The following SUCLG1 variants were observed in gnomAD, a reference collection of about 807,000 sequenced individuals.
SUCLG1 encodes the protein succinate--CoA ligase [ADP/GDP-forming] subunit alpha, mitochondrial.
SUCLG1 carries 26 observed loss-of-function variants against 37.3 expected under a neutral mutation model. The ratio of observed to expected loss-of-function variants is 0.70; its 90% CI spans 0.51 to 0.97. The LOEUF (loss-of-function observed/expected upper bound fraction) is 0.97. Ranked by LOEUF, SUCLG1 falls within the 50% of genes least tolerant of loss-of-function variation. SUCLG1 has a pLI of 0.00. For missense variants in SUCLG1, 433 were observed against 432.9 expected, an observed-to-expected ratio of 1.00 and a Z score of 0.00; for synonymous variants, 163 against 155.6, an observed-to-expected ratio of 1.05 and a Z score of -0.36.
In SUCLG1 at chr2:84,425,552, G is replaced by T. The variant is rs767897478; in HGVS notation, c.877C>A (p.Pro293Thr). 1.1e-5 allele frequency: 17 copies of T among 1,614,226 alleles called. No individual in the cohort carries two copies. The South Asian group carries it at 1.8e-4, about 17-fold the overall frequency. ...CCGGCATGACCCATTCTTCTCCCAG[G>T]AGGAGCAGTTAAACCAGCAATGAAG... The part of the protein sequence containing the change: ...VSFIAGLTAP[P>T]GRRMGHAGAI... Residue 293 changes from proline (P) to threonine (T), a missense_variant, in exon 8 of 9, where the codon CCT (proline) becomes ACT (threonine). Transcript: ENST00000393868.
intron 1 of SUCLG1, among the ~76,000 whole-genome samples, chr2:84,453,728 T>C (rs547673540): frequency 3.9e-5 from 6 of 152,204 alleles, no homozygotes; most frequent in Non-Finnish European, 7.3e-5. Flanking sequence ...AAAATAAGTA[T>C]TTTAAATTAA....
intron 1 of SUCLG1, among the ~76,000 whole-genome samples, chr2:84,453,299 G>A (rs1672968171): frequency 6.6e-6 from 1 of 152,004 alleles, no homozygotes; most frequent in South Asian, 2.1e-4. Context: ...AAAAAGTGGA[G>A]CCCAAAGCCT....
chr2:84,440,722 G>C (rs1256367966), intron 5 of SUCLG1, among the ~76,000 whole-genome samples: 1 of 152,130 alleles, frequency 6.6e-6, no homozygotes, highest in African/African-American at 2.4e-5. Flanking sequence ...ATACTCCTTA[G>C]CAATAACTAA....
chr2:84,451,805 T>C (rs1233777455), intron 1 of SUCLG1, among the ~76,000 whole-genome samples: 1 of 149,830 alleles, frequency 6.7e-6, no homozygotes, highest in Non-Finnish European at 1.5e-5. Flanking sequence ...TGTGCGCTCA[T>C]GCATGTGTGA....
In SUCLG1 at chr2:84,445,754, A is replaced by T. The variant is rs1206758017; in HGVS notation, c.202-2354T>A. On this transcript the variant is annotated intron_variant, in intron 2 of 8. Coordinates refer to ENST00000393868, the MANE Select transcript of SUCLG1 (RefSeq NM_003849.4). ...TATCACCTTGGTCTAAGTCACTTCA[A>T]CTCTTGACGGGTTATTGCCCTTGCT... is the stretch of plus-strand genomic sequence containing the variant. Among the ~76,000 whole-genome samples, 3 of 152,072 alleles carry T rather than the reference A, an allele frequency of 2.0e-5. No homozygotes were observed. In the East Asian group the frequency reaches 5.8e-4, roughly 29 times the overall value.
chr2:84,438,118 T>C (rs187364428), intron 5 of SUCLG1, among the ~76,000 whole-genome samples: 11 of 152,346 alleles, frequency 7.2e-5, no homozygotes, highest in Admixed American at 1.3e-4. Flanking sequence ...CTTGTGGTTA[T>C]AGAAAAGTTC....
chr2:84,427,675 CT>C (rs2104239311), intron 7 of SUCLG1, among the ~76,000 whole-genome samples: 1 of 152,278 alleles, frequency 6.6e-6, no homozygotes, highest in South Asian at 2.1e-4. Context: ...AACTGTTTCC[CT>C]TGACACAGCA....
At chr2:84,431,777 A>T in intron 6 of SUCLG1, 118 bp from the exon 7 acceptor site, 1 of 998,526 alleles carries the variant, frequency 1.0e-6, no homozygotes, top group East Asian at 2.6e-5. Flanking sequence ...TATATTTTTA[A>T]ATGTATCATT....
chr2:84,440,740 C>T lies in SUCLG1; in HGVS notation c.589+307G>A, dbSNP rs10191009. ...CTCCTTAGCAATAACTAAGTTATAA[C>T]AGTTAATGAAATTAACTACTGATAT... On this transcript the variant is annotated intron_variant, in intron 5 of 8. Transcript: ENST00000393868. 0.97 allele frequency among the ~76,000 whole-genome samples: 147,040 copies of T among 152,340 alleles called. 71,010 individuals carry two copies. The highest frequency in any genetic ancestry group is 1 in the East Asian group (5,169 of 5,182).
intron 6 of SUCLG1, 105 bp downstream of exon 6, chr2:84,433,247 A>C (rs1672636097): frequency 1.1e-6 from 1 of 951,658 alleles, no homozygotes; most frequent in African/African-American, 1.6e-5. Context: ...CCTTTTCATA[A>C]GAGTATCAAA....
chr2:84,429,107 A>C (rs899648219), intron 7 of SUCLG1, among the ~76,000 whole-genome samples: 1 of 152,262 alleles, frequency 6.6e-6, no homozygotes, highest in Non-Finnish European at 1.5e-5. Flanking sequence ...GAGTGTTTAC[A>C]CCAAGTATTA....
chr2:84,435,407 T>C (rs932992125), intron 5 of SUCLG1, among the ~76,000 whole-genome samples: 19 of 152,312 alleles, frequency 1.2e-4, no homozygotes, highest in African/African-American at 4.6e-4. Context: ...TGTGAGAGTA[T>C]TTCTGGGGTA....
intron 1 of SUCLG1, among the ~76,000 whole-genome samples, chr2:84,457,245 G>A (rs897296253): frequency 1.3e-5 from 2 of 152,148 alleles, no homozygotes; most frequent in Middle Eastern, 3.2e-3. Flanking sequence ...AAATGGGCTC[G>A]GAAATGTGGC....
intron 3 of SUCLG1, 113 bp from the exon 4 acceptor site, chr2:84,441,572 G>A (rs1277072535): frequency 2.6e-6 from 3 of 1,169,386 alleles, no homozygotes; most frequent in Non-Finnish European, 3.7e-6. Context: ...ACACTACCCA[G>A]AGACATAGCA....
At chr2:84,426,322 A>C (rs1310704028) in intron 7 of SUCLG1, 1 of 152,056 alleles carries the variant, frequency 6.6e-6, no homozygotes, top group Non-Finnish European at 1.5e-5. Flanking sequence ...TACTCTAGAC[A>C]TGCAAAGTAG....
chr2:84,447,466 A>G (rs1330470661), intron 2 of SUCLG1, among the ~76,000 whole-genome samples: 1 of 152,202 alleles, frequency 6.6e-6, no homozygotes, highest in Non-Finnish European at 1.5e-5. Context: ...TGGTTCTTAC[A>G]AAAAAGCTCA....
chr2:84,444,618 G>A (rs1672822112), intron 2 of SUCLG1, among the ~76,000 whole-genome samples: 2 of 152,144 alleles, frequency 1.3e-5, no homozygotes, highest in African/African-American at 4.8e-5. Context: ...CAGGAGACAG[G>A]CTTTGAGAGC....
At chr2:84,433,754 T>C in intron 5 of SUCLG1, 1 of 372,054 alleles carries the variant, frequency 2.7e-6, no homozygotes, top group Non-Finnish European at 5.1e-6. Flanking sequence ...CAGTATAAAT[T>C]TGGTAGGTAC....
chr2:84,444,975 T>C (rs564592538), intron 2 of SUCLG1, among the ~76,000 whole-genome samples: 1 of 152,204 alleles, frequency 6.6e-6, no homozygotes, highest in African/African-American at 2.4e-5. Flanking sequence ...AGATTTCATA[T>C]TGTTCAAACA....
Sources: allele counts gnomAD v4.1 joint callset (sites outside exome capture counted in the v4.1 genomes callset), GRCh38; gene constraint gnomAD v4.1.1; transcripts MANE v1.5; gene names NCBI Gene and HGNC (gene_info 2026-07-23, HGNC 2026-07-21).